The following RPA1 variants were observed in gnomAD, a reference collection of about 807,000 sequenced individuals.
The protein encoded by RPA1 is replication protein A 70 kDa DNA-binding subunit.
In RPA1, 49 loss-of-function variants were observed where a neutral mutation model predicts 83.0. The observed-to-expected ratio is 0.59, with a 90% CI of 0.47 to 0.75. The LOEUF (loss-of-function observed/expected upper bound fraction) is 0.75. Ranked by LOEUF, RPA1 falls within the 30% of genes least tolerant of loss-of-function variation. The pLI is 0.00. For missense variants in RPA1, 693 were observed against 776.1 expected (o/e 0.89, Z 1.27); for synonymous variants, 279 against 281.8 (o/e 0.99, Z 0.10).
rs532521923 is a variant in RPA1 at position 1,875,159 on chromosome 17, T to G, written c.455-502T>G. Among the ~76,000 whole-genome samples the G allele has an allele frequency of 1.1e-4, 16 of 152,338 alleles. No homozygotes were observed. The South Asian group carries it at 3.3e-3, about 32-fold the overall frequency. ...CATTCTTACAGACTTCATTCTAGAC[T>G]TGCTAGTCCTTCAGACGCATTGAGA... is the stretch of plus-strand genomic sequence containing the variant. On this transcript the variant is annotated intron_variant, in intron 6 of 16. Transcript: ENST00000254719.
chr17:1,866,963 T>C (rs188891171), intron 5 of RPA1, among the ~76,000 whole-genome samples: 1 of 152,360 alleles, frequency 6.6e-6, no homozygotes, highest in African/African-American at 2.4e-5. Flanking sequence ...GTGTATGCAG[T>C]TGGCATTCAT....
intron 13 of RPA1, among the ~76,000 whole-genome samples, chr17:1,885,837 T>G (rs939202696): frequency 2.2e-4 from 34 of 152,342 alleles, no homozygotes; most frequent in African/African-American, 7.5e-4. Flanking sequence ...AACTATCGCC[T>G]CATGAAATAT....
intron 6 of RPA1, among the ~76,000 whole-genome samples, chr17:1,874,028 TATATACACACACACAC>T (rs1424595607): frequency 1.9e-5 from 2 of 102,616 alleles, no homozygotes; most frequent in Admixed American, 1.1e-4. Context: ...TATATATATA[TATATACACACACACAC>T]ACACACACAC....
In RPA1 at chr17:1,884,363, C is replaced by T. The variant is rs1171952969; in HGVS notation, c.1374+419C>T. Among the ~76,000 whole-genome samples the T allele has an allele frequency of 2.6e-5, 4 of 152,096 alleles. No individual in the cohort carries two copies. The highest frequency in any genetic ancestry group is 1.3e-4 in the Admixed American group (2 of 15,270). ...TCAGGTCAGACATGAGGCAGTTTCA[C>T]GGGTGCTGTTCCTGGCTGTAGAATA... On this transcript the variant is annotated intron_variant, in intron 13 of 16. Transcript: ENST00000254719. The surrounding 1 kb of genome is among the most constrained non-coding windows in gnomAD (Gnocchi z 4.1).
intron 5 of RPA1, among the ~76,000 whole-genome samples, chr17:1,864,882 A>G (rs1264450049): frequency 2.0e-5 from 3 of 152,232 alleles, no homozygotes; most frequent in Admixed American, 6.5e-5. Flanking sequence ...CCTGGGCGAC[A>G]GAGTGAGACT....
intron 7 of RPA1, 92 bp from the exon 8 acceptor site, chr17:1,877,120 C>A: frequency 8.4e-7 from 1 of 1,195,210 alleles, no homozygotes; most frequent in Non-Finnish European, 1.2e-6. Flanking sequence ...ACGGAATATG[C>A]GTAAGACGAG....
At chr17:1,857,279 T>TC (rs397778152) in intron 5 of RPA1, among the ~76,000 whole-genome samples, 11 of 151,062 alleles carry the variant, frequency 7.3e-5, no homozygotes, top group South Asian at 2.1e-4. Context: ...TTTTTTTTTT[T>TC]CAAAGATAAA....
chr17:1,885,711 GTTA>G (rs1193276145), intron 13 of RPA1, among the ~76,000 whole-genome samples: 1 of 152,136 alleles, frequency 6.6e-6, no homozygotes, highest in African/African-American at 2.4e-5. Flanking sequence ...AGTGCCAGGA[GTTA>G]CAGGTGTGAG....
Position 1,897,665 on chromosome 17 carries a change from C to T in RPA1, c.*490C>T, listed in dbSNP as rs1274612013. 6.1e-6 allele frequency: 1 copy of T among 162,678 alleles called. No individual in the cohort carries two copies. The allele number at this position is 162,678 out of a possible 1,614,324, so 10.1% of individuals were successfully genotyped here. A position where few individuals can be genotyped will look rare whatever the true frequency, so the allele number is the denominator to read the frequency against. On this transcript the variant is annotated 3_prime_UTR_variant, in exon 17 of 17. Transcript: ENST00000254719. ...TGTCTTCCTAGAATTCGAAGGCTCT[C>T]TCTTTCTAGAGGTGCTACATAGTTG...
At chr17:1,887,283 C>T (rs1463135170) in intron 13 of RPA1, among the ~76,000 whole-genome samples, 16 of 152,034 alleles carry the variant, frequency 1.1e-4, no homozygotes, top group Non-Finnish European at 1.9e-4. Flanking sequence ...GTAGGCCAGG[C>T]GCGGTGGCTC....
Position 1,897,131 on chromosome 17 carries a change from G to A in RPA1, c.1807G>A (p.Gly603Ser), listed in dbSNP as rs1211849693. 1 of 1,568,956 alleles carries A rather than the reference G, an allele frequency of 6.4e-7. No individual in the cohort carries two copies. The highest frequency in any genetic ancestry group is 1.4e-5 in the African/African-American group (1 of 73,854). ...GAAGCCCGTGGACTACAGAGAGTATGGCCGAAGGCTGGTCATGAGCATCAG... is the reference window on the plus strand; with the variant it reads ...GAAGCCCGTGGACTACAGAGAGTATAGCCGAAGGCTGGTCATGAGCATCAG... ...DVKPVDYREY[G>S]RRLVMSIRRS... Residue 603 changes from glycine to serine, a missense_variant, in exon 17 of 17, where the codon GGC becomes AGC. Coordinates refer to ENST00000254719, the MANE Select transcript of RPA1 (RefSeq NM_002945.5).
At chr17:1,843,237 C>A (rs1465367792) in intron 2 of RPA1, among the ~76,000 whole-genome samples, 1 of 151,436 alleles carries the variant, frequency 6.6e-6, no homozygotes, top group African/African-American at 2.4e-5. Context: ...GTTAACACAT[C>A]ATTTATTTAA....
intron 4 of RPA1, 89 bp from the exon 5 acceptor site, chr17:1,853,012 C>G: frequency 1.0e-6 from 1 of 969,090 alleles, no homozygotes; most frequent in Non-Finnish European, 1.7e-6. Context: ...TAGTTCATCA[C>G]AATGATCATC....
chr17:1,881,206 T>C (rs1913782528), intron 12 of RPA1, among the ~76,000 whole-genome samples: 1 of 152,190 alleles, frequency 6.6e-6, no homozygotes, highest in Admixed American at 6.5e-5. Flanking sequence ...TAAAATCTCC[T>C]CACTGTATCT....
rs77541401 is a variant in RPA1 at position 1,847,018 on chromosome 17, C to T, written c.272+2332C>T. ...TGTTAATTTGTTGGATTCATATAGT[C>T]GTACTTATTTTGCCAATCGCTTTTG... is the stretch of plus-strand genomic sequence containing the variant. On this transcript the variant is annotated intron_variant, in intron 4 of 16. Transcript: ENST00000254719. Among the ~76,000 whole-genome samples the T allele has an allele frequency of 8.1e-4, 124 of 152,238 alleles. 5 individuals are homozygous for T. The East Asian group carries it at 0.023, about 28-fold the overall frequency.
intron 5 of RPA1, among the ~76,000 whole-genome samples, chr17:1,870,845 G>A (rs1273672803): frequency 6.6e-6 from 1 of 152,208 alleles, no homozygotes; most frequent in African/African-American, 2.4e-5. Context: ...ATAGAAGAGA[G>A]GGAGGAAGTC....
chr17:1,843,692 G>A (rs1912146194), intron 2 of RPA1, among the ~76,000 whole-genome samples: 1 of 150,832 alleles, frequency 6.6e-6, no homozygotes, highest in South Asian at 2.1e-4. Context: ...CAAGAGTATA[G>A]GCAGCTCGTT....
chr17:1,852,777 T>A (rs1318445434), intron 4 of RPA1, among the ~76,000 whole-genome samples: 1 of 152,262 alleles, frequency 6.6e-6, no homozygotes, highest in Non-Finnish European at 1.5e-5. Flanking sequence ...TTGAGATAAG[T>A]ATGTGTTTCT....
At chr17:1,835,126 C>G (rs1243534467) in intron 1 of RPA1, among the ~76,000 whole-genome samples, 1 of 152,036 alleles carries the variant, frequency 6.6e-6, no homozygotes, top group Non-Finnish European at 1.5e-5. Context: ...CCTGGGATTA[C>G]AGACTTGAGC....
Sources: gnomAD v4.1 joint callset for allele counts (sites outside exome capture counted in the v4.1 genomes callset) on GRCh38, gnomAD v4.1.1 for gene constraint, Gnocchi (gnomAD v3.1) non-coding constraint, MANE v1.5 for transcripts, NCBI Gene and HGNC (gene_info 2026-07-23, HGNC 2026-07-21) for gene names.